The following CIRBP variants were observed in gnomAD, a reference collection of about 807,000 sequenced individuals.
CIRBP encodes cold-inducible RNA-binding protein.
CIRBP carries 11 observed loss-of-function variants against 22.3 expected under a neutral mutation model. That is an observed-to-expected ratio of 0.49 (90% confidence interval 0.31 to 0.82). CIRBP has a LOEUF of 0.82. Ranked by LOEUF, CIRBP falls within the 40% of genes least tolerant of loss-of-function variation. The probability of loss-of-function intolerance (pLI) is 0.05; values close to 1 mark genes in which losing one functional copy is unlikely to be tolerated. For synonymous variants in CIRBP, 216 were observed against 158.8 expected (o/e 1.36, Z -2.71); for missense variants, 456 against 402.7 (o/e 1.13, Z -1.13).
chr19:1,272,710 T>C lies in CIRBP; in HGVS notation c.*267T>C, dbSNP rs1039547657. ...CATTTACTTTTTTGACCACGAGCCATGAGTTTTCAAAAAAATCGGGGGTTG... is the reference window on the plus strand; with the variant it reads ...CATTTACTTTTTTGACCACGAGCCACGAGTTTTCAAAAAAATCGGGGGTTG... On this transcript the variant is annotated 3_prime_UTR_variant, in exon 6 of 6. Transcript: ENST00000587896. 5.9e-6 allele frequency: 2 copies of C among 338,138 alleles called. No homozygotes were observed. The highest frequency in any genetic ancestry group is 1.1e-5 in the Non-Finnish European group (2 of 185,896). 20.9% of individuals were successfully genotyped at this position (338,138 alleles called of 1,614,324 possible).
chr19:1,272,402 C>A lies in CIRBP; in HGVS notation c.853C>A (p.His285Asn). The A allele has an allele frequency of 6.3e-7, 1 of 1,581,756 alleles. No individual in the cohort carries two copies. The highest frequency in any genetic ancestry group is 8.6e-7 in the Non-Finnish European group (1 of 1,165,378). ...KLPLVASVPL[H>N]CACFLSSATH... is the part of the protein sequence containing the mutation. The stretch of plus-strand genomic sequence containing the variant: ...GCCTCTTGTTGCTTCGGTGCCTTTA[C>A]ACTGTGCCTGCTTCTTGTCCTCAGC... The change falls in exon 6 of 6, where the codon CAC (histidine) becomes AAC (asparagine). Residue 285 changes from histidine (H) to asparagine (N), a missense_variant. Around this residue, in one of 2 missense-constraint regions of CIRBP, gnomAD observed 426 missense variants for 339.6 expected, o/e 1.25. Coordinates refer to ENST00000587896, the MANE Select transcript of CIRBP (RefSeq NM_001300829.2).
chr19:1,271,671 G>A, intron 5 of CIRBP, 39 bp downstream of exon 5: 1 of 1,305,000 alleles, frequency 7.7e-7, no homozygotes, highest in Non-Finnish European at 1.1e-6. Context: ...GGTGGTTGCG[G>A]GATGGCCAGC....
In CIRBP at chr19:1,272,201, T is replaced by C. The variant is rs781099185; in HGVS notation, c.652T>C (p.Phe218Leu). ...GGCGCATCTGTCCTCTCAGAGCCATTTCTATCGCAGGACGCAAAAGCCAAA... is the reference window on the plus strand; with the variant it reads ...GGCGCATCTGTCCTCTCAGAGCCATCTCTATCGCAGGACGCAAAAGCCAAA... The part of the protein sequence containing the change: ...EEAHLSSQSH[F>L]YRRTQKPNET... Residue 218 changes from phenylalanine (F) to leucine (L), a missense_variant, in exon 6 of 6, where the codon TTC (phenylalanine) becomes CTC (leucine). Phe to Leu is a conservative substitution (Grantham distance 22). Coordinates refer to ENST00000587896, the MANE Select transcript of CIRBP (RefSeq NM_001300829.2). 6.3e-7 allele frequency: 1 copy of C among 1,594,992 alleles called. No individual in the cohort carries two copies. Among genetic ancestry groups the C allele is most frequent in the Non-Finnish European group, 8.5e-7 (1 of 1,171,630 alleles).
Position 1,271,548 on chromosome 19 carries a change from CAGG to C in CIRBP, c.354_356del (p.Gly119del), listed in dbSNP as rs1190150393. 6.3e-7 allele frequency: 1 copy of C among 1,589,228 alleles called. No homozygotes were observed. The highest frequency in any genetic ancestry group is 8.6e-7 in the Non-Finnish European group (1 of 1,168,564). ...TGGTACTCACTTTTTCCTGTATGTG[CAGG>C]AGGAGGGGACCGAGGCTATGGGGGG... is the stretch of plus-strand genomic sequence containing the variant. On this transcript the variant is annotated splice_acceptor_variant and coding_sequence_variant, in exon 5 of 6. Coordinates refer to ENST00000587896, the MANE Select transcript of CIRBP (RefSeq NM_001300829.2). LOFTEE classifies it high-confidence loss of function.
Position 1,274,132 on chromosome 19 carries a change from T to G in CIRBP, c.*1689T>G, listed in dbSNP as rs927711871. On this transcript the variant is annotated 3_prime_UTR_variant, in exon 6 of 6. Coordinates refer to ENST00000587896, the MANE Select transcript of CIRBP (RefSeq NM_001300829.2). ...TCCCATACGGGTAGCTGGCTCCAGC[T>G]GCGCCAAGGTGCAGACCCGCCCTGG... is the stretch of plus-strand genomic sequence containing the variant. 4 of 392,306 alleles carry G rather than the reference T, an allele frequency of 1.0e-5. No individual in the cohort carries two copies. Among genetic ancestry groups the G allele is most frequent in the African/African-American group, 8.2e-5 (4 of 48,492 alleles). 24.3% of individuals were successfully genotyped at this position (392,306 alleles called of 1,614,324 possible).
At chr19:1,270,745 T>G in intron 1 of CIRBP, 183 bp from the exon 2 acceptor site, 1 of 584,068 alleles carries the variant, frequency 1.7e-6, no homozygotes, top group Non-Finnish European at 3.1e-6. Flanking sequence ...TGGGTGACAG[T>G]TAGACACACT....
intron 5 of CIRBP, 137 bp from the exon 6 acceptor site, chr19:1,271,844 C>A (rs2081346388): frequency 1.2e-6 from 1 of 806,346 alleles, no homozygotes; most frequent in South Asian, 1.7e-5. Flanking sequence ...TGAACAATTT[C>A]CAAGATGCTG....
intron 1 of CIRBP, chr19:1,270,079 C>T (rs1167320488): frequency 1.9e-6 from 1 of 519,886 alleles, no homozygotes; most frequent in Non-Finnish European, 3.8e-6. Context: ...CCTTAAATAG[C>T]CAGTTCTCCT....
At chr19:1,270,681 G>T (rs544908741) in intron 1 of CIRBP, among the ~76,000 whole-genome samples, 24 of 152,296 alleles carry the variant, frequency 1.6e-4, no homozygotes, top group African/African-American at 5.5e-4. Flanking sequence ...GCTGAGGTAG[G>T]AGGATTGCTT....
At position 1,271,983 on chromosome 19, in the gene CIRBP, G is replaced by T. The variant is rs1276098087; in HGVS notation, c.434G>T (p.Arg145Leu). 5 of 1,605,508 alleles carry T rather than the reference G, an allele frequency of 3.1e-6. No homozygotes were observed. Among genetic ancestry groups the T allele is most frequent in the Non-Finnish European group, 4.3e-6 (5 of 1,173,120 alleles). The stretch of plus-strand genomic sequence containing the variant: ...CTCAACGTTTGTCTGTCTTGCAGCC[G>T]GAGTCAGAGTGGTGGCTACAGTGAC... Reference protein sequence around the residue: ...YGGSRDYYSSRSQSGGYSDRS... With the variant: ...YGGSRDYYSSLSQSGGYSDRS... Residue 145 changes from arginine (R) to leucine (L), a missense_variant and splice_region_variant, in exon 6 of 6, where the codon CGG (arginine) becomes CTG (leucine). Arg to Leu is a moderately radical substitution (Grantham distance 102). Around this residue, in one of 2 missense-constraint regions of CIRBP, gnomAD observed 426 missense variants for 339.6 expected, o/e 1.25. Transcript: ENST00000587896.
intron 2 of CIRBP, 38 bp downstream of exon 2, chr19:1,271,074 G>T (rs760895739): frequency 3.7e-6 from 6 of 1,609,624 alleles, no homozygotes; most frequent in South Asian, 1.1e-5. Context: ...TGGGCGGGGG[G>T]GCTTGTGCTC....
rs138813473 is a variant in CIRBP, at chr19:1,271,463, T to C, written c.345T>C (p.Ser115=). The stretch of plus-strand genomic sequence containing the variant: ...GCCGAGGACGGGGCCGTGGGTTCTC[T>C]AGAGGTGAGTGCCATGAGTGGGTCC... ...RGGRGRGRGF[S]RGGGDRGYGG... Residue 115 remains serine (S), a synonymous_variant, in exon 4 of 6, where the codon TCT becomes TCC. Transcript: ENST00000587896. The C allele has an allele frequency of 1.8e-3, 2,882 of 1,607,566 alleles. 2 individuals carry two copies. The highest frequency in any genetic ancestry group is 2.3e-3 in the Non-Finnish European group (2,707 of 1,176,796).
rs1468260519 is a variant in CIRBP at position 1,271,601 on chromosome 19, G to T, written c.400G>T (p.Gly134Cys). ...GAACCGGTTCGAGTCCAGGAGTGGG[G>T]GCTACGGAGGCTCCAGAGACTACTA... Reference protein sequence around the residue: ...GGNRFESRSGGYGGSRDYYSS... With the variant: ...GGNRFESRSGCYGGSRDYYSS... Residue 134 changes from glycine (G) to cysteine (C), a missense_variant, in exon 5 of 6, where the codon GGC becomes TGC. Transcript: ENST00000587896. The T allele has an allele frequency of 6.4e-7, 1 of 1,561,794 alleles. No individual in the cohort carries two copies. Among genetic ancestry groups the T allele is most frequent in the Admixed American group, 2.0e-5 (1 of 49,698 alleles).
rs961649019 is a variant in CIRBP, at chr19:1,274,544, G to A, written c.*2101G>A. 1.4e-5 allele frequency: 5 copies of A among 369,412 alleles called. No homozygotes were observed. The highest frequency in any genetic ancestry group is 4.6e-5 in the Admixed American group (1 of 21,574). 22.9% of individuals were successfully genotyped at this position (369,412 alleles called of 1,614,324 possible). On this transcript the variant is annotated 3_prime_UTR_variant, in exon 6 of 6. Transcript: ENST00000587896. ...TCTCCCGCACCTATGGCCCCATGGCGGGCGCCTTTCGGTGTGTGTTGGGTG... is the reference window on the plus strand; with the variant it reads ...TCTCCCGCACCTATGGCCCCATGGCAGGCGCCTTTCGGTGTGTGTTGGGTG...
chr19:1,272,347 G>C lies in CIRBP; in HGVS notation c.798G>C (p.Pro266=). 1.2e-6 allele frequency: 2 copies of C among 1,613,444 alleles called. No homozygotes were observed. The highest frequency in any genetic ancestry group is 8.5e-7 in the Non-Finnish European group (1 of 1,179,706). Residue 266 remains proline, a synonymous_variant, in exon 6 of 6, where the codon CCG becomes CCC. Coordinates refer to ENST00000587896, the MANE Select transcript of CIRBP (RefSeq NM_001300829.2). ...CGGWLLPGRR[P]RPGLASGVKL... is the part of the protein sequence containing the mutation. ...GGTGGTTGCTCCCCGGCCGCAGGCC[G>C]CGCCCTGGTCTGGCCTCTGGGGTGA...
intron 1 of CIRBP, chr19:1,269,824 C>A: frequency 1.9e-6 from 1 of 518,126 alleles, no homozygotes; most frequent in South Asian, 1.4e-5. Flanking sequence ...CTTTTGCTTA[C>A]CGAGCCTTAG....
Position 1,271,482 on chromosome 19 carries a change from T to A in CIRBP, c.349+15T>A. 1 of 1,603,600 alleles carries A rather than the reference T, an allele frequency of 6.2e-7. No homozygotes were observed. Among genetic ancestry groups the A allele is most frequent in the Non-Finnish European group, 8.5e-7 (1 of 1,174,928 alleles). The stretch of plus-strand genomic sequence containing the variant: ...GTTCTCTAGAGGTGAGTGCCATGAG[T>A]GGGTCCCTTGGGGATGCTGTGAGGT... On this transcript the variant is annotated intron_variant, in intron 4 of 5. Transcript: ENST00000587896.
chr19:1,272,595 G>C lies in CIRBP; in HGVS notation c.*152G>C. On this transcript the variant is annotated 3_prime_UTR_variant, in exon 6 of 6. Coordinates refer to ENST00000587896, the MANE Select transcript of CIRBP (RefSeq NM_001300829.2). The stretch of plus-strand genomic sequence containing the variant: ...TGATCTTGTCAAACCCAGCCTGACC[G>C]CTTCTGACGCCGGGATGGCCTCGTT... 2 of 660,648 alleles carry C rather than the reference G, an allele frequency of 3.0e-6. No individual in the cohort carries two copies. Among genetic ancestry groups the C allele is most frequent in the Admixed American group, 5.6e-5 (2 of 35,534 alleles). The allele number at this position is 660,648 out of a possible 1,614,324, so 40.9% of individuals were successfully genotyped here.
Position 1,274,496 on chromosome 19 carries a change from C to A in CIRBP, c.*2053C>A, listed in dbSNP as rs1448581687. 2.6e-6 allele frequency: 1 copy of A among 390,756 alleles called. No individual in the cohort carries two copies. The highest frequency in any genetic ancestry group is 4.5e-5 in the Admixed American group (1 of 22,378). The allele number at this position is 390,756 out of a possible 1,614,324, so 24.2% of individuals were successfully genotyped here. Reference sequence around the variant, plus strand: ...CGCTGAGCCCTGTCCCGGGCGGCACCTGGGCGTTTCAGTGAGTCCTGCTCT... The same window carrying A: ...CGCTGAGCCCTGTCCCGGGCGGCACATGGGCGTTTCAGTGAGTCCTGCTCT... On this transcript the variant is annotated 3_prime_UTR_variant, in exon 6 of 6. Transcript: ENST00000587896.
Sources: allele counts gnomAD v4.1 joint callset (sites outside exome capture counted in the v4.1 genomes callset), GRCh38; gene constraint gnomAD v4.1.1; regional missense constraint gnomAD v4.1.1; transcripts MANE v1.5; gene names NCBI Gene and HGNC (gene_info 2026-07-23, HGNC 2026-07-21).